Variants in NMNAT2 observed in about 807,000 individuals in gnomAD.
NMNAT2 encodes the protein nicotinamide nucleotide adenylyltransferase 2.
Under a neutral mutation model 41.6 loss-of-function variants are expected in NMNAT2, and 11 were observed. That is an observed-to-expected ratio of 0.26 (90% CI 0.17 to 0.44). The LOEUF is 0.44. Ranked by LOEUF, NMNAT2 falls within the 20% of genes least tolerant of loss-of-function variation. NMNAT2 has a pLI of 1.00. For synonymous variants in NMNAT2, 148 were observed against 151.2 expected (o/e 0.98, Z 0.16); for missense variants, 288 against 407.7 (o/e 0.71, Z 2.53).
intron 8 of NMNAT2, among the ~76,000 whole-genome samples, chr1:183,272,147 G>A (rs2102291222): frequency 6.6e-6 from 1 of 152,314 alleles, no homozygotes; most frequent in African/African-American, 2.4e-5. Flanking sequence ...TTGGGGAGAG[G>A]AGTGAGTGCA....
At chr1:183,299,170 G>T (rs1251649151) in intron 1 of NMNAT2, among the ~76,000 whole-genome samples, 1 of 152,168 alleles carries the variant, frequency 6.6e-6, no homozygotes, top group South Asian at 2.1e-4. Context: ...TCAGGAGTTC[G>T]AGACCAGCCT....
rs995744583 is a variant in NMNAT2 at position 183,330,898 on chromosome 1, A to G, written c.86-37105T>C. 2.6e-5 allele frequency among the ~76,000 whole-genome samples: 4 copies of G among 152,330 alleles called. No homozygotes were observed. In the South Asian group the frequency reaches 8.3e-4, roughly 32 times the overall value. On this transcript the variant is annotated intron_variant, in intron 1 of 10. Transcript: ENST00000287713. ...ACCTCCTTCAGGGCTCAGAGCTCCC[A>G]GTCCCTGTGTAAATGATCCTAATGT...
intron 1 of NMNAT2, chr1:183,304,574 G>A: frequency 1.7e-6 from 2 of 1,176,194 alleles, no homozygotes; most frequent in Non-Finnish European, 1.3e-6. Flanking sequence ...ACCTTGAGAA[G>A]CTCCGCTGGA....
chr1:183,312,658 A>C (rs1235956276), intron 1 of NMNAT2, among the ~76,000 whole-genome samples: 2 of 152,054 alleles, frequency 1.3e-5, no homozygotes, highest in Non-Finnish European at 2.9e-5. Context: ...ATGGCCTAGA[A>C]GTCTGGGCCT....
intron 1 of NMNAT2, among the ~76,000 whole-genome samples, chr1:183,312,430 G>C (rs1662144577): frequency 6.6e-6 from 1 of 151,974 alleles, no homozygotes; most frequent in Admixed American, 6.6e-5. Flanking sequence ...TGCAGGAATA[G>C]TACAAAGAAC....
Position 183,252,402 on chromosome 1 carries a change from G to A in NMNAT2, c.*239C>T, listed in dbSNP as rs1444484265. 1 of 517,716 alleles carries A rather than the reference G, an allele frequency of 1.9e-6. No individual in the cohort carries two copies. The highest frequency in any genetic ancestry group is 2.1e-5 in the South Asian group (1 of 47,488). The allele number at this position is 517,716 out of a possible 1,614,324, so 32.1% of individuals were successfully genotyped here. A position where few individuals can be genotyped will look rare whatever the true frequency, so the allele number is the denominator to read the frequency against. Reference sequence around the variant, plus strand: ...CATCTCCAAGGACTGCACTTCCCCCGACTCCCACCCCATTCCCTCACCCAC... The same window carrying A: ...CATCTCCAAGGACTGCACTTCCCCCAACTCCCACCCCATTCCCTCACCCAC... On this transcript the variant is annotated 3_prime_UTR_variant, in exon 11 of 11. Transcript: ENST00000287713.
At chr1:183,384,563 G>A (rs1648126452) in intron 1 of NMNAT2, among the ~76,000 whole-genome samples, 1 of 152,122 alleles carries the variant, frequency 6.6e-6, no homozygotes, top group Non-Finnish European at 1.5e-5. Flanking sequence ...AACGGCAAGG[G>A]GAGAGTCTGC....
intron 1 of NMNAT2, among the ~76,000 whole-genome samples, chr1:183,409,797 G>A (rs1649065016): frequency 6.6e-6 from 1 of 152,148 alleles, no homozygotes; most frequent in Non-Finnish European, 1.5e-5. Context: ...AAACTAGGGT[G>A]AACTGAGTTC....
rs957980745 is a variant in NMNAT2 at position 183,250,852 on chromosome 1, G to T, written c.*1789C>A. 3 of 152,618 alleles carry T rather than the reference G, an allele frequency of 2.0e-5. No individual in the cohort carries two copies. The highest frequency in any genetic ancestry group is 2.0e-4 in the Admixed American group (3 of 15,274). 9.5% of individuals were successfully genotyped at this position (152,618 alleles called of 1,614,324 possible). A position where few individuals can be genotyped will look rare whatever the true frequency, so the allele number is the denominator to read the frequency against. On this transcript the variant is annotated 3_prime_UTR_variant, in exon 11 of 11. Coordinates refer to ENST00000287713, the MANE Select transcript of NMNAT2 (RefSeq NM_015039.4). ...GTTCCTTTTCCCGCAATTGAAGGATGTTGCAGATGTGAAACGTGTGGTAAA... is the reference window on the plus strand; with the variant it reads ...GTTCCTTTTCCCGCAATTGAAGGATTTTGCAGATGTGAAACGTGTGGTAAA...
At chr1:183,287,169 C>A (rs1661422101) in intron 4 of NMNAT2, among the ~76,000 whole-genome samples, 1 of 152,080 alleles carries the variant, frequency 6.6e-6, no homozygotes, top group Non-Finnish European at 1.5e-5. Flanking sequence ...GGTGCCTGAC[C>A]CATGGCAGGA....
Position 183,341,739 on chromosome 1 carries a change from A to AAAAAAC in NMNAT2, c.86-47947_86-47946insGTTTTT, listed in dbSNP as rs1557883718. On this transcript the variant is annotated intron_variant, in intron 1 of 10. Transcript: ENST00000287713. ...CAAACAAACACCAAAAAAAAAAAAA[A>AAAAAAC]AAAAAAAACCTGTTTCCTTCACTCC... Among the ~76,000 whole-genome samples, 208 of 141,450 alleles carry AAAAAAC rather than the reference A, an allele frequency of 1.5e-3. 13 individuals carry two copies. Among genetic ancestry groups the AAAAAAC allele is most frequent in the African/African-American group, 5.4e-3 (205 of 37,978 alleles). The allele number at this position is 141,450 out of a possible 152,430, so 92.8% of individuals were successfully genotyped here. A position where few individuals can be genotyped will look rare whatever the true frequency, so the allele number is the denominator to read the frequency against.
chr1:183,284,999 C>T (rs367561899), intron 5 of NMNAT2, among the ~76,000 whole-genome samples: 8 of 152,108 alleles, frequency 5.3e-5, no homozygotes, highest in Non-Finnish European at 1.2e-4. Context: ...CTGAGGCACA[C>T]GCATTGTGAG....
At chr1:183,325,080 T>C (rs1457554625) in intron 1 of NMNAT2, among the ~76,000 whole-genome samples, 1 of 151,954 alleles carries the variant, frequency 6.6e-6, no homozygotes, top group Admixed American at 6.6e-5. Flanking sequence ...GGGTAGAGAG[T>C]ATGTGACTGG....
intron 1 of NMNAT2, among the ~76,000 whole-genome samples, chr1:183,309,490 C>T (rs1186607517): frequency 1.3e-5 from 2 of 152,122 alleles, no homozygotes; most frequent in African/African-American, 2.4e-5. Context: ...GAATTAGATA[C>T]GATACTTGGC....
chr1:183,347,680 A>G (rs1481922110), intron 1 of NMNAT2, among the ~76,000 whole-genome samples: 1 of 152,192 alleles, frequency 6.6e-6, no homozygotes, highest in Non-Finnish European at 1.5e-5. Flanking sequence ...CTCTGAGTCT[A>G]TAAGTGACTG....
chr1:183,341,725 C>CAAAAAAAAAAAAAAAAAAAAAACAA (rs1662812821), intron 1 of NMNAT2, among the ~76,000 whole-genome samples: 1 of 22,210 alleles, frequency 4.5e-5, no homozygotes, highest in African/African-American at 1.6e-4. Context: ...AAACAAACAC[C>CAAAAAAAAAAAAAAAAAAAAAACAA]AAAAAAAAAA....
chr1:183,336,915 T>C (rs1662687818), intron 1 of NMNAT2, among the ~76,000 whole-genome samples: 1 of 152,224 alleles, frequency 6.6e-6, no homozygotes, highest in South Asian at 2.1e-4. Context: ...AGAACACAGA[T>C]AAGTCTGTTG....
At chr1:183,321,022 C>G (rs1173922269) in intron 1 of NMNAT2, among the ~76,000 whole-genome samples, 1 of 152,152 alleles carries the variant, frequency 6.6e-6, no homozygotes, top group South Asian at 2.1e-4. Flanking sequence ...TAGATGGCCT[C>G]ATATCTGAAC....
intron 4 of NMNAT2, among the ~76,000 whole-genome samples, chr1:183,289,385 C>T (rs1315792079): frequency 6.6e-6 from 1 of 152,188 alleles, no homozygotes; most frequent in Non-Finnish European, 1.5e-5. Context: ...CACACTCTGG[C>T]CAGTGCTGCT....
Sources: allele counts gnomAD v4.1 joint callset (sites outside exome capture counted in the v4.1 genomes callset), GRCh38; gene constraint gnomAD v4.1.1; transcripts MANE v1.5; gene names NCBI Gene and HGNC (gene_info 2026-07-23, HGNC 2026-07-21).